Variants in RBFOX2 observed in about 807,000 individuals in gnomAD.
The protein encoded by RBFOX2 is RNA binding protein fox-1 homolog 2.
A neutral mutation model predicts 49.1 loss-of-function variants in RBFOX2; 10 were observed. That is an observed-to-expected ratio of 0.20 (90% CI 0.13 to 0.35). RBFOX2 has a LOEUF of 0.35. Among genes scored for constraint, RBFOX2 ranks in the 10% least tolerant of loss-of-function variants. The pLI is 1.00. For synonymous variants in RBFOX2, 183 were observed against 187.4 expected (o/e 0.98, Z 0.19); for missense variants, 323 against 486.9 (o/e 0.66, Z 3.17).
At chr22:35,978,053 A>G (rs1468016636) in intron 1 of RBFOX2, among the ~76,000 whole-genome samples, 2 of 152,096 alleles carry the variant, frequency 1.3e-5, no homozygotes, top group Non-Finnish European at 2.9e-5. Context: ...TGAGGATTCC[A>G]GAACATGAGG....
At chr22:35,869,447 C>T (rs1171164565) in intron 1 of RBFOX2, among the ~76,000 whole-genome samples, 1 of 132,994 alleles carries the variant, frequency 7.5e-6, no homozygotes, top group Admixed American at 8.5e-5. Context: ...GCATGAGCCA[C>T]CACACCCAGC....
chr22:36,017,809 T>C (rs2059099113), intron 1 of RBFOX2, among the ~76,000 whole-genome samples: 1 of 152,206 alleles, frequency 6.6e-6, no homozygotes, highest in Non-Finnish European at 1.5e-5. Flanking sequence ...TTTTTACATA[T>C]ACACACGTGC....
intron 1 of RBFOX2, among the ~76,000 whole-genome samples, chr22:35,910,526 A>G (rs2049683776): frequency 6.6e-6 from 1 of 152,220 alleles, no homozygotes; most frequent in Non-Finnish European, 1.5e-5. Context: ...ACAGACTCAG[A>G]CAGCTTAAGG....
chr22:35,892,407 A>G (rs1247632829), intron 1 of RBFOX2, among the ~76,000 whole-genome samples: 2 of 152,224 alleles, frequency 1.3e-5, no homozygotes, highest in Non-Finnish European at 2.9e-5. Context: ...CTGGCAAAGC[A>G]GCATAGAGAG....
chr22:36,026,953 G>C (rs2059462313), intron 1 of RBFOX2, among the ~76,000 whole-genome samples: 1 of 152,128 alleles, frequency 6.6e-6, no homozygotes, highest in African/African-American at 2.4e-5. Flanking sequence ...GCACTGCAGA[G>C]ATTTCCAAGA....
chr22:36,017,365 A>G (rs2059078680), intron 1 of RBFOX2, among the ~76,000 whole-genome samples: 1 of 151,946 alleles, frequency 6.6e-6, no homozygotes, highest in Non-Finnish European at 1.5e-5. Flanking sequence ...TGTCTCTACT[A>G]AAAATACAAA....
At chr22:35,945,757 G>C (rs2054207643) in intron 1 of RBFOX2, among the ~76,000 whole-genome samples, 1 of 152,162 alleles carries the variant, frequency 6.6e-6, no homozygotes, top group East Asian at 1.9e-4. Context: ...AAATTGCTAA[G>C]TGACCACAGG....
At chr22:35,777,938 A>G in intron 4 of RBFOX2, 87 bp downstream of exon 5, 1 of 1,338,000 alleles carries the variant, frequency 7.5e-7, no homozygotes, top group Non-Finnish European at 1.0e-6. Flanking sequence ...GCTTGAAAAC[A>G]GCTTATGTTT....
intron 9 of RBFOX2, 99 bp from the exon 12 acceptor site, chr22:35,746,660 A>G: frequency 9.0e-6 from 5 of 555,410 alleles, no homozygotes; most frequent in Non-Finnish European, 1.2e-5. Context: ...ACATGTAGAC[A>G]CAGGGACTGA....
chr22:35,746,293 C>A (rs900605629), intron 10 of RBFOX2, among the ~76,000 whole-genome samples, 180 bp downstream of exon 12: 4 of 152,152 alleles, frequency 2.6e-5, no homozygotes, highest in Non-Finnish European at 2.9e-5. Context: ...AGGACAGAGT[C>A]GGTGCCTTGT....
chr22:35,877,982 C>T (rs1424661080), intron 1 of RBFOX2, among the ~76,000 whole-genome samples: 1 of 151,174 alleles, frequency 6.6e-6, no homozygotes, highest in Non-Finnish European at 1.5e-5. Context: ...AAAGAGGAGA[C>T]AGGTGGGAAA....
intron 1 of RBFOX2, among the ~76,000 whole-genome samples, chr22:36,022,806 CACAG>C (rs985028337): frequency 2.0e-5 from 3 of 152,098 alleles, no homozygotes; most frequent in African/African-American, 7.2e-5. Flanking sequence ...TCCCCCAGGG[CACAG>C]ACAAAGGAAA....
intron 1 of RBFOX2, among the ~76,000 whole-genome samples, chr22:35,971,931 A>AC (rs2056899579): frequency 6.6e-6 from 1 of 150,860 alleles, no homozygotes; most frequent in Non-Finnish European, 1.5e-5. Context: ...AAAAAAAAAA[A>AC]AAAAAAACAC....
chr22:35,871,426 A>G (rs1379446083), intron 1 of RBFOX2, among the ~76,000 whole-genome samples: 1 of 152,234 alleles, frequency 6.6e-6, no homozygotes, highest in African/African-American at 2.4e-5. Flanking sequence ...ATGGAAATAC[A>G]GGGAAATGGT....
At chr22:35,756,284 G>A (rs1936911763) in intron 9 of RBFOX2, 140 bp from the exon 11 acceptor site, 3 of 601,560 alleles carry the variant, frequency 5.0e-6, no homozygotes, top group Non-Finnish European at 4.9e-6. Flanking sequence ...TTGGGGCCTC[G>A]GCAAGTTGGT....
In RBFOX2 at chr22:35,960,563, C is replaced by T. The variant is rs542045544; in HGVS notation, c.42+1000G>A. Among the ~76,000 whole-genome samples the T allele has an allele frequency of 3.9e-5, 6 of 152,264 alleles. No individual in the cohort carries two copies. In the East Asian group the frequency reaches 1.2e-3, roughly 29 times the overall value. On this transcript the variant is annotated intron_variant, in intron 1 of 5. Coordinates refer to the RBFOX2 transcript ENST00000408983. Reference sequence around the variant, plus strand: ...AGGCTATGTTCTTATTCCTCAGATGCTACCATCATTCAAAACACGGCCACT... The same window carrying T: ...AGGCTATGTTCTTATTCCTCAGATGTTACCATCATTCAAAACACGGCCACT...
At chr22:35,892,974 T>C (rs1192433079) in intron 1 of RBFOX2, among the ~76,000 whole-genome samples, 4 of 152,242 alleles carry the variant, frequency 2.6e-5, no homozygotes, top group African/African-American at 4.8e-5. Flanking sequence ...CTTCCTTCTA[T>C]GTATCTGGGC....
chr22:35,823,731 T>C (rs1603305611), intron 1 of RBFOX2, among the ~76,000 whole-genome samples: 1 of 152,170 alleles, frequency 6.6e-6, no homozygotes, highest in East Asian at 1.9e-4. Context: ...AAAAGAAAAT[T>C]AGAGAAGATT....
At chr22:35,787,852 G>A (rs1163402732) in intron 2 of RBFOX2, among the ~76,000 whole-genome samples, 1 of 152,150 alleles carries the variant, frequency 6.6e-6, no homozygotes, top group Non-Finnish European at 1.5e-5. Context: ...ACTGGGCAAG[G>A]CATAAAACAG....
Sources: allele counts gnomAD v4.1 joint callset (sites outside exome capture counted in the v4.1 genomes callset), GRCh38; gene constraint gnomAD v4.1.1; transcripts MANE v1.5; gene names NCBI Gene and HGNC (gene_info 2026-07-23, HGNC 2026-07-21).